Variants in RAPGEF6 observed in about 807,000 individuals in gnomAD.
RAPGEF6 encodes Rap guanine nucleotide exchange factor 6, also known as PDZ domain containing guanine nucleotide exchange factor (GEF) 2.
In RAPGEF6, 56 loss-of-function variants were observed where a neutral mutation model predicts 171.4. The ratio of observed to expected loss-of-function variants is 0.33; its 90% confidence interval spans 0.26 to 0.41. The LOEUF is 0.41. RAPGEF6 is among the 10% of genes least tolerant of loss of function. The pLI, the probability that RAPGEF6 is intolerant of heterozygous loss-of-function variation, is 1.00. For synonymous variants in RAPGEF6, 692 were observed against 650.1 expected, an observed-to-expected ratio of 1.06 and a Z score of -0.98; for missense variants, 1,674 against 1,921.4, an observed-to-expected ratio of 0.87 and a Z score of 2.41.
At chr5:131,560,343 T>C (rs764409829) in intron 5 of RAPGEF6, among the ~76,000 whole-genome samples, 3 of 152,226 alleles carry the variant, frequency 2.0e-5, no homozygotes, top group Non-Finnish European at 4.4e-5. Context: ...ATATTTTGAA[T>C]TCATCAATTG....
chr5:131,531,052 G>C (rs756152668), intron 6 of RAPGEF6, among the ~76,000 whole-genome samples: 4 of 152,132 alleles, frequency 2.6e-5, no homozygotes, highest in Non-Finnish European at 5.9e-5. Flanking sequence ...TCAATCAGCT[G>C]TTTGCCAAAT....
rs534911628 is a variant in RAPGEF6 at position 131,602,192 on chromosome 5, T to TA, written c.197+1078dup. On this transcript the variant is annotated intron_variant, in intron 3 of 27. Transcript: ENST00000509018. Reference sequence around the variant, plus strand: ...AGATGATTTCATCATGCTAACATCATAGAGTGTACTTAACACAAACCTAGA... The same window carrying TA: ...AGATGATTTCATCATGCTAACATCATAAGAGTGTACTTAACACAAACCTAGA... Among the ~76,000 whole-genome samples, 114 of 152,348 alleles carry TA rather than the reference T, an allele frequency of 7.5e-4. 1 individual carries two copies. The East Asian group carries it at 0.017, about 22-fold the overall frequency.
At chr5:131,496,894 C>A (rs1394147490) in intron 12 of RAPGEF6, among the ~76,000 whole-genome samples, 5 of 151,446 alleles carry the variant, frequency 3.3e-5, no homozygotes, top group Non-Finnish European at 7.4e-5. Flanking sequence ...ATATGGTAAC[C>A]CTATGTTTAA....
intron 24 of RAPGEF6, chr5:131,436,315 G>T: frequency 6.5e-7 from 1 of 1,537,490 alleles, no homozygotes; most frequent in Non-Finnish European, 8.7e-7. Flanking sequence ...TTGCAAGTAA[G>T]CCCCACCTAT....
At chr5:131,463,809 T>C in intron 18 of RAPGEF6, 1 of 1,156,300 alleles carries the variant, frequency 8.6e-7, no homozygotes, top group Non-Finnish European at 1.1e-6. Context: ...TTCAGATATA[T>C]ATGAAGATTT....
intron 5 of RAPGEF6, among the ~76,000 whole-genome samples, chr5:131,552,178 A>C (rs1760962223): frequency 6.6e-6 from 1 of 151,988 alleles, no homozygotes; most frequent in Non-Finnish European, 1.5e-5. Context: ...AAACCTACTC[A>C]TAAAGCTCAT....
At chr5:131,599,564 C>T (rs1306128373) in intron 3 of RAPGEF6, among the ~76,000 whole-genome samples, 1 of 152,004 alleles carries the variant, frequency 6.6e-6, no homozygotes, top group African/African-American at 2.4e-5. Flanking sequence ...GACACTGCAG[C>T]GCAAGAGAGA....
chr5:131,460,620 A>G (rs1433251996), intron 19 of RAPGEF6, among the ~76,000 whole-genome samples: 1 of 152,168 alleles, frequency 6.6e-6, no homozygotes, highest in African/African-American at 2.4e-5. Flanking sequence ...TTTTACAGAT[A>G]AGAAAACCTA....
chr5:131,608,010 A>G (rs181892070), intron 1 of RAPGEF6, among the ~76,000 whole-genome samples: 2 of 152,326 alleles, frequency 1.3e-5, no homozygotes, highest in African/African-American at 4.8e-5. Flanking sequence ...GTAGTCCTGA[A>G]CTAAGACTGA....
At chr5:131,527,544 T>A (rs1156276574) in intron 6 of RAPGEF6, among the ~76,000 whole-genome samples, 1 of 152,156 alleles carries the variant, frequency 6.6e-6, no homozygotes, top group East Asian at 1.9e-4. Flanking sequence ...AGGCTACATT[T>A]AAAATGTATA....
chr5:131,436,565 C>T (rs1028344401), intron 24 of RAPGEF6, among the ~76,000 whole-genome samples: 1 of 151,858 alleles, frequency 6.6e-6, no homozygotes, highest in African/African-American at 2.4e-5. Flanking sequence ...TCAGTTATTG[C>T]AAGACAGAAT....
At chr5:131,498,778 T>C (rs953916532) in intron 11 of RAPGEF6, among the ~76,000 whole-genome samples, 171 bp from the exon 12 acceptor site, 1 of 152,202 alleles carries the variant, frequency 6.6e-6, no homozygotes, top group African/African-American at 2.4e-5. Flanking sequence ...TTAATTGTAA[T>C]CCACCAGCAC....
intron 1 of RAPGEF6, among the ~76,000 whole-genome samples, chr5:131,621,734 T>C (rs1402805177): frequency 1.3e-5 from 2 of 152,138 alleles, no homozygotes; most frequent in Non-Finnish European, 2.9e-5. Flanking sequence ...GGCACAACGA[T>C]CATGGGCCTA....
chr5:131,586,670 C>T (rs1469332009), intron 4 of RAPGEF6, among the ~76,000 whole-genome samples: 1 of 151,972 alleles, frequency 6.6e-6, no homozygotes, highest in Non-Finnish European at 1.5e-5. Context: ...TATTCATCGG[C>T]AGTCATTAAA....
chr5:131,508,052 AATTT>A lies in RAPGEF6; in HGVS notation c.942+15_942+18del, dbSNP rs1458224942. The A allele has an allele frequency of 9.6e-6, 15 of 1,557,378 alleles. No homozygotes were observed. In the South Asian group the frequency reaches 1.7e-4, roughly 18 times the overall value. On this transcript the variant is annotated intron_variant, in intron 9 of 27. Coordinates refer to ENST00000509018, the MANE Select transcript of RAPGEF6 (RefSeq NM_016340.6). ...GTTAGTATCCATAATAAATGTATGT[AATTT>A]ATTTATTGACCTACCTCTTGCCCAT...
rs140691247 is a variant in RAPGEF6 at position 131,604,302 on chromosome 5, A to T, written c.140+321T>A. 5.3e-5 allele frequency among the ~76,000 whole-genome samples: 8 copies of T among 152,302 alleles called. No homozygotes were observed. The East Asian group carries it at 1.2e-3, about 22-fold the overall frequency. On this transcript the variant is annotated intron_variant, in intron 2 of 27. Coordinates refer to ENST00000509018, the MANE Select transcript of RAPGEF6 (RefSeq NM_016340.6). ...GTACTTATTTTCATTTAATCCTTGA[A>T]ATACTTCAACAAAGATACTATCATT...
intron 6 of RAPGEF6, chr5:131,531,966 ATGG>A: frequency 3.4e-6 from 1 of 294,508 alleles, no homozygotes; most frequent in Non-Finnish European, 6.7e-6. Context: ...TTAAAAAAAA[ATGG>A]CAATGAGAAA....
At chr5:131,575,876 G>A (rs1232865622) in intron 4 of RAPGEF6, among the ~76,000 whole-genome samples, 1 of 152,122 alleles carries the variant, frequency 6.6e-6, no homozygotes, top group Non-Finnish European at 1.5e-5. Context: ...TGGCCCTCAT[G>A]TCTACGTGCA....
chr5:131,542,896 A>G (rs1760249474), intron 6 of RAPGEF6, among the ~76,000 whole-genome samples: 1 of 152,214 alleles, frequency 6.6e-6, no homozygotes. Flanking sequence ...TAAAAGAGAA[A>G]GTTGGAGAAC....
Sources: allele counts gnomAD v4.1 joint callset (sites outside exome capture counted in the v4.1 genomes callset), GRCh38; gene constraint gnomAD v4.1.1; transcripts MANE v1.5; gene names NCBI Gene and HGNC (gene_info 2026-07-23, HGNC 2026-07-21).